The following R3HDM2 variants were observed in gnomAD, a reference collection of about 807,000 sequenced individuals.
The protein encoded by R3HDM2 is R3H domain containing 2, also known as R3H domain-containing protein 2.
Under a neutral mutation model 124.5 loss-of-function variants are expected in R3HDM2, and 38 were observed. The ratio of observed to expected loss-of-function variants is 0.31; its 90% confidence interval spans 0.24 to 0.40. The LOEUF is 0.40. R3HDM2 is among the 10% of genes least tolerant of loss of function. The pLI is 1.00. For synonymous variants in R3HDM2, 391 were observed against 448.0 expected, an observed-to-expected ratio of 0.87 and a Z score of 1.61; for missense variants, 869 against 1,236.9, an observed-to-expected ratio of 0.70 and a Z score of 4.46.
At chr12:57,402,358 T>A (rs565421226) in intron 1 of R3HDM2, among the ~76,000 whole-genome samples, 2 of 151,250 alleles carry the variant, frequency 1.3e-5, no homozygotes, top group Non-Finnish European at 2.9e-5. Flanking sequence ...AATAAGGAAA[T>A]GTTTTTGGAG....
chr12:57,344,635 A>G (rs1275954929), intron 2 of R3HDM2, among the ~76,000 whole-genome samples: 1 of 152,228 alleles, frequency 6.6e-6, no homozygotes, highest in Non-Finnish European at 1.5e-5. Flanking sequence ...GAGGATATAA[A>G]GAAGAATCAA....
intron 2 of R3HDM2, among the ~76,000 whole-genome samples, chr12:57,366,828 TA>T (rs1342453665): frequency 1.3e-5 from 2 of 152,200 alleles, no homozygotes; most frequent in Non-Finnish European, 2.9e-5. Context: ...TAGCTGGGAC[TA>T]CGGGCGCCCG....
At chr12:57,357,060 G>A (rs1036553598) in intron 2 of R3HDM2, among the ~76,000 whole-genome samples, 42 of 151,654 alleles carry the variant, frequency 2.8e-4, no homozygotes, top group Non-Finnish European at 3.5e-4. Context: ...CCGAGATCGC[G>A]TCACTGCACT....
At chr12:57,306,457 G>A (rs534721717) in intron 3 of R3HDM2, among the ~76,000 whole-genome samples, 2 of 152,010 alleles carry the variant, frequency 1.3e-5, no homozygotes, top group South Asian at 2.1e-4. Context: ...TTGCCAGGCT[G>A]GAGTGCAGTG....
intron 19 of R3HDM2, among the ~76,000 whole-genome samples, chr12:57,266,128 C>T (rs1371711762): frequency 7.8e-5 from 9 of 115,444 alleles, no homozygotes; most frequent in Non-Finnish European, 8.8e-5. Context: ...TTTTTTGAGA[C>T]GGAGTCTTGC....
At chr12:57,421,701 T>G (rs1400673172) in intron 1 of R3HDM2, among the ~76,000 whole-genome samples, 3 of 151,284 alleles carry the variant, frequency 2.0e-5, no homozygotes, top group Non-Finnish European at 4.4e-5. Context: ...TAGAGGCAGG[T>G]TCTCACTAAG....
intron 2 of R3HDM2, among the ~76,000 whole-genome samples, chr12:57,382,147 C>T (rs2064983948): frequency 6.6e-6 from 1 of 151,612 alleles, no homozygotes; most frequent in Non-Finnish European, 1.5e-5. Context: ...GAGGCAGGGT[C>T]TCTATTGTTC....
At chr12:57,353,720 C>T (rs2060928109) in intron 2 of R3HDM2, among the ~76,000 whole-genome samples, 1 of 151,794 alleles carries the variant, frequency 6.6e-6, no homozygotes, top group Non-Finnish European at 1.5e-5. Flanking sequence ...CAGCTATTTC[C>T]AATTTTTAAC....
chr12:57,377,958 CATGCCTGTA>C (rs770757919), intron 2 of R3HDM2, among the ~76,000 whole-genome samples: 5 of 152,180 alleles, frequency 3.3e-5, no homozygotes, highest in Middle Eastern at 3.4e-3. Context: ...TGTGGTGGTG[CATGCCTGTA>C]ATCCCAGCTA....
At chr12:57,377,077 G>A (rs2064157876) in intron 2 of R3HDM2, among the ~76,000 whole-genome samples, 2 of 10,518 alleles carry the variant, frequency 1.9e-4, no homozygotes, top group South Asian at 3.1e-3. Context: ...TTGGGTCCAC[G>A]CTAAATAAAT....
intron 2 of R3HDM2, among the ~76,000 whole-genome samples, chr12:57,317,981 GCCC>G (rs371720792): frequency 1.3e-4 from 16 of 127,870 alleles, no homozygotes; most frequent in East Asian, 5.2e-4. Context: ...CTCCGTCCCC[GCCC>G]CCCCAAAAAA....
intron 2 of R3HDM2, among the ~76,000 whole-genome samples, chr12:57,378,891 C>G (rs2064440904): frequency 1.3e-5 from 2 of 152,124 alleles, no homozygotes; most frequent in South Asian, 4.1e-4. Context: ...GAATAATATT[C>G]AGCCTTAAAA....
At chr12:57,375,061 A>G (rs2063872680) in intron 2 of R3HDM2, among the ~76,000 whole-genome samples, 1 of 151,874 alleles carries the variant, frequency 6.6e-6, no homozygotes, top group Non-Finnish European at 1.5e-5. Flanking sequence ...AACCATTTAA[A>G]AAAAAAAATG....
intron 2 of R3HDM2, among the ~76,000 whole-genome samples, chr12:57,340,321 C>T (rs1355362813): frequency 6.6e-6 from 1 of 152,166 alleles, no homozygotes; most frequent in Admixed American, 6.6e-5. Context: ...GGGTTGTCCA[C>T]CACAGGGGTT....
chr12:57,373,478 G>A (rs776934015), intron 2 of R3HDM2, among the ~76,000 whole-genome samples: 1 of 151,430 alleles, frequency 6.6e-6, no homozygotes, highest in Non-Finnish European at 1.5e-5. Context: ...CAGCCTGGGT[G>A]ACAGAGCAAG....
At chr12:57,356,154 G>C (rs906542876) in intron 2 of R3HDM2, among the ~76,000 whole-genome samples, 1 of 152,018 alleles carries the variant, frequency 6.6e-6, no homozygotes, top group African/African-American at 2.4e-5. Flanking sequence ...TATTCTTAGG[G>C]GCAGAGAATT....
At chr12:57,391,973 C>T (rs1485822352) in intron 2 of R3HDM2, among the ~76,000 whole-genome samples, 1 of 152,130 alleles carries the variant, frequency 6.6e-6, no homozygotes, top group Non-Finnish European at 1.5e-5. Flanking sequence ...ACCAGCCTGG[C>T]CAACATGGCA....
At chr12:57,414,499 A>C (rs918762216) in intron 1 of R3HDM2, among the ~76,000 whole-genome samples, 4 of 148,992 alleles carry the variant, frequency 2.7e-5, no homozygotes, top group East Asian at 2.0e-4. Flanking sequence ...AAAAAAAAAA[A>C]AAAAAAAAAA....
At chr12:57,363,719 T>A (rs2062236475) in intron 2 of R3HDM2, among the ~76,000 whole-genome samples, 1 of 152,138 alleles carries the variant, frequency 6.6e-6, no homozygotes. Flanking sequence ...GTCAATTTTT[T>A]AAAAAGGCTG....
Sources: gnomAD v4.1 joint callset for allele counts (sites outside exome capture counted in the v4.1 genomes callset) on GRCh38, gnomAD v4.1.1 for gene constraint, MANE v1.5 for transcripts, NCBI Gene and HGNC (gene_info 2026-07-23, HGNC 2026-07-21) for gene names.